The following TNFAIP6 variants were observed in gnomAD, a reference collection of about 807,000 sequenced individuals.
TNFAIP6 encodes the protein tumor necrosis factor-inducible gene 6 protein.
TNFAIP6 carries 36 observed loss-of-function variants against 33.7 expected under a neutral mutation model. The observed-to-expected ratio is 1.07, with a 90% CI of 0.82 to 1.41. The LOEUF (loss-of-function observed/expected upper bound fraction) is 1.41, where lower values mean the gene tolerates loss of function less well. Ranked by LOEUF, TNFAIP6 falls within the 40% of genes most tolerant of loss-of-function variation. The pLI is 0.00. For missense variants in TNFAIP6, 273 were observed against 331.9 expected, an observed-to-expected ratio of 0.82 and a Z score of 1.38; for synonymous variants, 113 against 112.8, an observed-to-expected ratio of 1.00 and a Z score of -0.01.
chr2:151,380,543 C>T (rs1352790232), downstream of TNFAIP6, among the ~76,000 whole-genome samples: 1 of 152,064 alleles, frequency 6.6e-6, no homozygotes, highest in Non-Finnish European at 1.5e-5. Flanking sequence ...GAATCAGGCA[C>T]CTCATTTTTA....
intron 1 of TNFAIP6, among the ~76,000 whole-genome samples, chr2:151,359,533 C>T (rs1213414676): frequency 1.3e-5 from 2 of 151,926 alleles, no homozygotes; most frequent in Non-Finnish European, 2.9e-5. Context: ...GGACTACAGG[C>T]ACCCGCCACC....
At chr2:151,378,096 C>T (rs530997149) in intron 5 of TNFAIP6, among the ~76,000 whole-genome samples, 1 of 152,274 alleles carries the variant, frequency 6.6e-6, no homozygotes, top group East Asian at 1.9e-4. Flanking sequence ...ATTTGCAGCT[C>T]ATGCCTGTGA....
At chr2:151,358,360 T>G (rs1239344167) in intron 1 of TNFAIP6, among the ~76,000 whole-genome samples, 1 of 152,252 alleles carries the variant, frequency 6.6e-6, no homozygotes, top group Non-Finnish European at 1.5e-5. Flanking sequence ...TCTGACCCTT[T>G]TGTTAGACAA....
chr2:151,368,542 T>G (rs1684756490), intron 3 of TNFAIP6: 1 of 151,916 alleles, frequency 6.6e-6, no homozygotes, highest in Non-Finnish European at 1.5e-5. Context: ...GTTTTATATG[T>G]GTTTGTTTTT....
chr2:151,370,188 G>C lies in TNFAIP6; in HGVS notation c.563G>C (p.Cys188Ser). ...LDFDLEDDPGCLADYVEIYDS... is the reference protein window; with the variant it reads ...LDFDLEDDPGSLADYVEIYDS... ...TTTGACCTTGAAGATGACCCAGGTT[G>C]CTTGGCTGATTATGTTGAAATATAT... The change falls in exon 4 of 6, where the codon TGC (cysteine) becomes TCC (serine). Residue 188 changes from cysteine (C) to serine (S), a missense_variant. Transcript: ENST00000243347. The C allele has an allele frequency of 6.2e-7, 1 of 1,614,126 alleles. No individual in the cohort carries two copies. The highest frequency in any genetic ancestry group is 8.5e-7 in the Non-Finnish European group (1 of 1,180,026).
intron 5 of TNFAIP6, among the ~76,000 whole-genome samples, chr2:151,374,710 G>A (rs184349533): frequency 1.1e-4 from 16 of 152,244 alleles, no homozygotes; most frequent in East Asian, 7.7e-4. Context: ...AAATTAAACC[G>A]TTTACTTATC....
At chr2:151,380,422 A>T (rs917757871), downstream of TNFAIP6, among the ~76,000 whole-genome samples, 2 of 152,190 alleles carry the variant, frequency 1.3e-5, no homozygotes, top group Non-Finnish European at 2.9e-5. Flanking sequence ...TTGCAATTAT[A>T]CTTGATTTTG....
chr2:151,378,998 G>T (rs1428893705), intron 5 of TNFAIP6, among the ~76,000 whole-genome samples: 1 of 152,088 alleles, frequency 6.6e-6, no homozygotes, highest in East Asian at 2.0e-4. Flanking sequence ...TACTCGGGAG[G>T]CTGAGGCAGG....
chr2:151,370,013 A>T lies in TNFAIP6; in HGVS notation c.395-7A>T, dbSNP rs1322092311. On this transcript the variant is annotated splice_polypyrimidine_tract_variant and splice_region_variant and intron_variant, in intron 3 of 5. Transcript: ENST00000243347. ...GGGTTTTTACGTTTTTTTTCTTCTC[A>T]TTTCAGCAAAGGAGTGTGGTGGCGT... 5 of 1,589,710 alleles carry T rather than the reference A, an allele frequency of 3.1e-6. No homozygotes were observed. In the Admixed American group the frequency reaches 5.5e-5, roughly 17 times the overall value.
At chr2:151,372,195 A>T (rs2152017113) in intron 4 of TNFAIP6, 1 of 152,334 alleles carries the variant, frequency 6.6e-6, no homozygotes, top group African/African-American at 2.4e-5. Flanking sequence ...GTCAGAAACA[A>T]GCAGATTAAA....
intron 5 of TNFAIP6, among the ~76,000 whole-genome samples, chr2:151,378,683 T>C (rs1330470393): frequency 2.0e-5 from 3 of 151,620 alleles, no homozygotes; most frequent in African/African-American, 7.3e-5. Flanking sequence ...GAGACGGGGA[T>C]TCACCATGTT....
intron 4 of TNFAIP6, among the ~76,000 whole-genome samples, chr2:151,372,758 A>C (rs1684838546): frequency 6.6e-6 from 1 of 152,092 alleles, no homozygotes; most frequent in Admixed American, 6.6e-5. Context: ...TGTGTCTACT[A>C]AAAATACAAA....
rs1425468247 is a variant in TNFAIP6, at chr2:151,370,059, T to G, written c.434T>G (p.Ile145Ser). The change falls in exon 4 of 6, where the codon ATT (isoleucine) becomes AGT (serine). Residue 145 changes from isoleucine to serine, a missense_variant. Physicochemically the swap from Ile to Ser is moderately radical, Grantham distance 142. Coordinates refer to ENST00000243347, the MANE Select transcript of TNFAIP6 (RefSeq NM_007115.4). Reference sequence around the variant, plus strand: ...GGCGTCTTTACAGATCCAAAGCAAATTTTTAAATCTCCAGGCTTCCCAAAT... The same window carrying G: ...GGCGTCTTTACAGATCCAAAGCAAAGTTTTAAATCTCCAGGCTTCCCAAAT... ...CGGVFTDPKQIFKSPGFPNEY... is the reference protein window; with the variant it reads ...CGGVFTDPKQSFKSPGFPNEY... 3 of 1,614,076 alleles carry G rather than the reference T, an allele frequency of 1.9e-6. No individual in the cohort carries two copies. Among genetic ancestry groups the G allele is most frequent in the East Asian group, 4.5e-5 (2 of 44,876 alleles).
intron 1 of TNFAIP6, among the ~76,000 whole-genome samples, chr2:151,363,739 C>T (rs1684666515): frequency 6.6e-6 from 1 of 152,028 alleles, no homozygotes; most frequent in Admixed American, 6.6e-5. Flanking sequence ...TGTTTATGGC[C>T]CCAAATTCCC....
chr2:151,369,966 TA>T, intron 3 of TNFAIP6, 53 bp from the exon 4 acceptor site: 1 of 1,329,306 alleles, frequency 7.5e-7, no homozygotes, highest in Non-Finnish European at 1.1e-6. Flanking sequence ...TTAACAGGGA[TA>T]ATGTTTTTCC....
intron 5 of TNFAIP6, among the ~76,000 whole-genome samples, chr2:151,378,660 T>G (rs148261079): frequency 0.027 from 4,176 of 151,876 alleles, 164 homozygotes; most frequent in African/African-American, 0.085. Flanking sequence ...GCTGATTTTT[T>G]GTATTTTTAA....
chr2:151,372,271 G>T (rs561399069), intron 4 of TNFAIP6: 1 of 152,290 alleles, frequency 6.6e-6, no homozygotes, highest in East Asian at 1.9e-4. Flanking sequence ...GGGCAATACA[G>T]CAACATCCTA....
chr2:151,375,048 C>T (rs1413825120), intron 5 of TNFAIP6, among the ~76,000 whole-genome samples: 1 of 150,174 alleles, frequency 6.7e-6, no homozygotes, highest in East Asian at 2.0e-4. Context: ...TTGCTTGAAC[C>T]CGGGAGGCAG....
At chr2:151,367,465 A>C (rs1684732289) in intron 3 of TNFAIP6, among the ~76,000 whole-genome samples, 1 of 151,988 alleles carries the variant, frequency 6.6e-6, no homozygotes, top group South Asian at 2.1e-4. Context: ...TACTCTTAAG[A>C]GTAACTCTTC....
Sources: gnomAD v4.1 joint callset for allele counts (sites outside exome capture counted in the v4.1 genomes callset) on GRCh38, gnomAD v4.1.1 for gene constraint, MANE v1.5 for transcripts, NCBI Gene and HGNC (gene_info 2026-07-23, HGNC 2026-07-21) for gene names.